MED13: variants seen among roughly 807,000 people sequenced by gnomAD.
MED13 encodes mediator complex subunit 13, also known as mediator of RNA polymerase II transcription subunit 13.
Under a neutral mutation model 225.2 loss-of-function variants are expected in MED13, and 23 were observed. That is an observed-to-expected ratio of 0.10 (90% CI 0.07 to 0.14). The LOEUF (loss-of-function observed/expected upper bound fraction) is 0.14, where lower values mean the gene tolerates loss of function less well. MED13 is among the 10% of genes least tolerant of loss of function. MED13 has a pLI of 1.00. For missense variants in MED13, 2,197 were observed against 2,594.5 expected, an observed-to-expected ratio of 0.85 and a Z score of 3.33; for synonymous variants, 942 against 889.2, an observed-to-expected ratio of 1.06 and a Z score of -1.06.
At chr17:62,020,221 A>G (rs999945070) in intron 8 of MED13, among the ~76,000 whole-genome samples, 20 of 148,154 alleles carry the variant, frequency 1.3e-4, no homozygotes, top group African/African-American at 4.9e-4. Flanking sequence ...CTTTTTACTT[A>G]GCAGCCTTTC....
intron 2 of MED13, among the ~76,000 whole-genome samples, chr17:62,056,255 TTG>T (rs2080995753): frequency 7.6e-6 from 1 of 131,886 alleles, no homozygotes; most frequent in Non-Finnish European, 1.7e-5. Flanking sequence ...TTTCTACACG[TTG>T]TATTCAGATA....
chr17:62,014,310 T>TTATATATATATA (rs79817498), intron 8 of MED13, among the ~76,000 whole-genome samples: 1,761 of 143,048 alleles, frequency 0.012, 40 homozygotes, highest in African/African-American at 0.044. Flanking sequence ...GTATATGTTT[T>TTATATATATATA]TATATATATA....
intron 8 of MED13, among the ~76,000 whole-genome samples, chr17:62,020,260 C>G (rs982567478): frequency 6.6e-6 from 1 of 151,726 alleles, no homozygotes; most frequent in Non-Finnish European, 1.5e-5. Context: ...TTAAAGAAAA[C>G]CTTTTATTGA....
Position 61,984,810 on chromosome 17 carries a change from A to G in MED13, c.2532T>C (p.Ile844=). 6.2e-7 allele frequency: 1 copy of G among 1,613,604 alleles called. No homozygotes were observed. Among genetic ancestry groups the G allele is most frequent in the Middle Eastern group, 1.7e-4 (1 of 6,056 alleles). Residue 844 remains isoleucine (I), a synonymous_variant, in exon 14 of 30, where the codon ATT becomes ATC. Transcript: ENST00000397786. ...YPTPPSLEQH[I]MGFSPMNMNN... The stretch of plus-strand genomic sequence containing the variant: ...TCATATTCATTGGGGAAAATCCCAT[A>G]ATATGTTGTTCCAATGATGGTGGTG...
intron 17 of MED13, among the ~76,000 whole-genome samples, chr17:61,968,844 T>C (rs1240361039): frequency 6.6e-6 from 1 of 152,200 alleles, no homozygotes; most frequent in Non-Finnish European, 1.5e-5. Context: ...ATTAACCTGC[T>C]GGGCTCAAGC....
chr17:62,025,366 C>T (rs546951051), intron 8 of MED13, among the ~76,000 whole-genome samples: 4 of 152,158 alleles, frequency 2.6e-5, no homozygotes, highest in Admixed American at 2.0e-4. Context: ...TTTTAAAAAA[C>T]GTAAAAATCA....
At position 61,993,181 on chromosome 17, in the gene MED13, GTTCT is replaced by G. The variant is rs1178646454; in HGVS notation, c.2182-564_2182-561del. 9.9e-3 allele frequency among the ~76,000 whole-genome samples: 1,365 copies of G among 137,732 alleles called. 8 individuals carry two copies. The highest frequency in any genetic ancestry group is 0.027 in the Middle Eastern group (7 of 258). 90.4% of individuals were successfully genotyped at this position (137,732 alleles called of 152,430 possible). On this transcript the variant is annotated intron_variant, in intron 10 of 29. Transcript: ENST00000397786. Reference sequence around the variant, plus strand: ...AAATCTGTCAAATTCCAAAGTCCATGTTCTTTCTTTCTTTCTTTCTTTTTTTTTT... The same window carrying G: ...AAATCTGTCAAATTCCAAAGTCCATGTTCTTTCTTTCTTTCTTTTTTTTTT...
chr17:61,950,979 A>C lies in MED13; in HGVS notation c.6137T>G (p.Leu2046Arg). Reference protein sequence around the residue: ...DAGKGQSTDRLLSTEPHEEVP... With the variant: ...DAGKGQSTDRRLSTEPHEEVP... ...TTCCTCATGAGGTTCTGTTGATAGT[A>C]GCCGATCAGTACTCTGACCCTTAAA... Residue 2046 changes from leucine to arginine, a missense_variant, in exon 28 of 30, where the codon CTA becomes CGA. Transcript: ENST00000397786. 6.2e-7 allele frequency: 1 copy of C among 1,613,552 alleles called. No individual in the cohort carries two copies. The highest frequency in any genetic ancestry group is 8.5e-7 in the Non-Finnish European group (1 of 1,179,674).
chr17:61,958,424 C>T (rs2079968403), intron 23 of MED13, among the ~76,000 whole-genome samples: 1 of 151,136 alleles, frequency 6.6e-6, no homozygotes, highest in Non-Finnish European at 1.5e-5. Context: ...CTGCAACCTT[C>T]GCTTCCTGGG....
chr17:62,061,526 TATCA>T (rs1568009545), intron 2 of MED13, among the ~76,000 whole-genome samples: 1 of 152,228 alleles, frequency 6.6e-6, no homozygotes, highest in African/African-American at 2.4e-5. Flanking sequence ...ATTATAGTTT[TATCA>T]ATAATTATGT....
intron 9 of MED13, among the ~76,000 whole-genome samples, chr17:61,998,640 C>T (rs1402152002): frequency 1.4e-5 from 2 of 145,808 alleles, no homozygotes; most frequent in Non-Finnish European, 3.0e-5. Context: ...CTTGCTGTCA[C>T]CCAGGCTGGA....
rs776179840 is a variant in MED13 at position 61,982,739 on chromosome 17, A to G, written c.3264T>C (p.Cys1088=). The change falls in exon 16 of 30, where the codon TGT becomes TGC. Residue 1088 remains cysteine, a synonymous_variant. Transcript: ENST00000397786. ...SESVMNLFKD[C]NFDSCCICVC... ...CACAGATGCAACAACTATCAAAGTT[A>G]CAGTCTTTAAACAAATTCATAACTG... The G allele has an allele frequency of 4.3e-6, 7 of 1,614,216 alleles. No homozygotes were observed. The East Asian group carries it at 1.6e-4, about 36-fold the overall frequency.
At chr17:61,980,150 C>T (rs972935797) in intron 16 of MED13, among the ~76,000 whole-genome samples, 1 of 152,146 alleles carries the variant, frequency 6.6e-6, no homozygotes, top group Non-Finnish European at 1.5e-5. Context: ...GATCACGCCA[C>T]TGCACTCCAG....
chr17:62,049,697 C>T (rs954075324), intron 3 of MED13, among the ~76,000 whole-genome samples: 11 of 152,102 alleles, frequency 7.2e-5, no homozygotes, highest in Non-Finnish European at 1.2e-4. Context: ...TTGGGGAGGC[C>T]GAGGTGGGCG....
intron 16 of MED13, among the ~76,000 whole-genome samples, chr17:61,974,357 T>G (rs568687364): frequency 1.3e-5 from 2 of 152,164 alleles, no homozygotes; most frequent in African/African-American, 2.4e-5. Flanking sequence ...TGAGCCATGA[T>G]AGCGTAACAC....
intron 3 of MED13, among the ~76,000 whole-genome samples, chr17:62,047,056 G>A (rs1011077240): frequency 6.0e-5 from 9 of 150,636 alleles, no homozygotes; most frequent in African/African-American, 2.0e-4. Flanking sequence ...TTAAAGAGAC[G>A]GGGGTCTGCA....
At chr17:61,989,952 C>T (rs1054741098) in intron 11 of MED13, among the ~76,000 whole-genome samples, 6 of 152,132 alleles carry the variant, frequency 3.9e-5, no homozygotes, top group African/African-American at 1.4e-4. Flanking sequence ...TAGATCACTC[C>T]GGCAAAGAAT....
intron 6 of MED13, 65 bp downstream of exon 6, chr17:62,031,376 TTTC>T (rs1340612659): frequency 1.6e-6 from 2 of 1,250,028 alleles, no homozygotes; most frequent in Non-Finnish European, 2.2e-6. Flanking sequence ...AAATAAATTA[TTTC>T]TTAAGTACTT....
Position 62,052,558 on chromosome 17 carries a change from T to A in MED13, c.449A>T (p.Asp150Val). 2.5e-6 allele frequency: 4 copies of A among 1,579,510 alleles called. No individual in the cohort carries two copies. The highest frequency in any genetic ancestry group is 1.2e-5 in the South Asian group (1 of 83,746). Residue 150 changes from aspartate to valine, a missense_variant, in exon 3 of 30, where the codon GAT becomes GTT. Coordinates refer to ENST00000397786, the MANE Select transcript of MED13 (RefSeq NM_005121.3). ...TTACCTTTTATTTATAGGTTTTTCA[T>A]CTTTTTCATAAGGCTTTACAAACCA... ...GKWFVKPYEKDEKPINKSEHL... is the reference protein window; with the variant it reads ...GKWFVKPYEKVEKPINKSEHL...
Sources: gnomAD v4.1 joint callset for allele counts (sites outside exome capture counted in the v4.1 genomes callset) on GRCh38, gnomAD v4.1.1 for gene constraint, MANE v1.5 for transcripts, NCBI Gene and HGNC (gene_info 2026-07-23, HGNC 2026-07-21) for gene names.